The following ZNF44 variants were observed in gnomAD, a reference collection of about 807,000 sequenced individuals.
The protein encoded by ZNF44 is zinc finger protein 44.
ZNF44 carries 9 observed loss-of-function variants against 11.7 expected under a neutral mutation model. That is an observed-to-expected ratio of 0.77 (90% CI 0.46 to 1.35). The LOEUF is 1.35. ZNF44 is among the 40% of genes most tolerant of loss of function. The pLI is 0.00. For synonymous variants in ZNF44, 224 were observed against 242.7 expected (o/e 0.92, Z 0.72); for missense variants, 696 against 743.1 (o/e 0.94, Z 0.74).
chr19:12,252,279 G>T (rs1917040492), intron 5 of ZNF44, among the ~76,000 whole-genome samples: 1 of 152,138 alleles, frequency 6.6e-6, no homozygotes, highest in African/African-American at 2.4e-5. Context: ...AACCATACGA[G>T]AAAGTAGAGT....
Position 12,272,919 on chromosome 19 carries a change from C to T in ZNF44, c.1336G>A (p.Glu446Lys). Residue 446 changes from glutamate (E) to lysine (K), a missense_variant, in exon 4 of 4, where the codon GAG becomes AAG. Coordinates refer to ENST00000355684, the MANE Select transcript of ZNF44 (RefSeq NM_016264.4). ...CCACATTTACATTTATAGGGTTGCT[C>T]TCCAGTGTGTGTTGTTTCATGTTTT... The part of the protein sequence containing the change: ...LRKHETTHTG[E>K]QPYKCKCGKA... The T allele has an allele frequency of 6.2e-7, 1 of 1,614,098 alleles. No individual in the cohort carries two copies. The highest frequency in any genetic ancestry group is 1.1e-5 in the South Asian group (1 of 91,082).
chr19:12,278,760 A>T (rs976689481), intron 1 of ZNF44, among the ~76,000 whole-genome samples: 4 of 152,104 alleles, frequency 2.6e-5, no homozygotes, highest in Admixed American at 2.0e-4. Context: ...TAGACCATCT[A>T]AGTCCCAGGA....
intron 1 of ZNF44, among the ~76,000 whole-genome samples, chr19:12,283,310 C>T (rs909639985): frequency 1.4e-4 from 22 of 152,064 alleles, no homozygotes; most frequent in Non-Finnish European, 3.1e-4. Flanking sequence ...AAAAGCAGCA[C>T]ACTTTTAGAA....
chr19:12,284,691 A>G (rs1967650443), intron 1 of ZNF44: 2 of 738,858 alleles, frequency 2.7e-6, no homozygotes, highest in Admixed American at 2.0e-5. Flanking sequence ...GTTTGTTGCC[A>G]TCGGGGACTA....
chr19:12,253,879 T>C (rs1917128178), intron 5 of ZNF44, among the ~76,000 whole-genome samples: 1 of 152,092 alleles, frequency 6.6e-6, no homozygotes, highest in African/African-American at 2.4e-5. Context: ...CTCGGGAGGC[T>C]GATGCAGGAG....
chr19:12,246,308 G>A (rs1916766168), downstream of ZNF44, among the ~76,000 whole-genome samples: 1 of 152,034 alleles, frequency 6.6e-6, no homozygotes, highest in Non-Finnish European at 1.5e-5. Context: ...CCATATCTTG[G>A]CCAGAAAGAA....
Position 12,288,578 on chromosome 19 carries a change from C to T in ZNF44, c.3+6114G>A, listed in dbSNP as rs55823748. Among the ~76,000 whole-genome samples, 962 of 151,150 alleles carry T rather than the reference C, an allele frequency of 6.4e-3. 3 individuals carry two copies. The highest frequency in any genetic ancestry group is 0.014 in the Middle Eastern group (4 of 294). ...CCAACATGATGAAACCCCATCTCTA[C>T]TAAAAATAGAAAAATTAGCCAGGCA... On this transcript the variant is annotated intron_variant, in intron 1 of 3. Coordinates refer to ENST00000355684, the MANE Select transcript of ZNF44 (RefSeq NM_016264.4).
At chr19:12,284,299 T>C in intron 1 of ZNF44, 2 of 452,008 alleles carry the variant, frequency 4.4e-6, no homozygotes, top group Non-Finnish European at 8.2e-6. Context: ...AAAAGATAAA[T>C]ATTAAAAGGT....
In ZNF44 at chr19:12,272,660, T is replaced by C. The variant is rs1410679508; in HGVS notation, c.1595A>G (p.Tyr532Cys). Residue 532 changes from tyrosine to cysteine, a missense_variant, in exon 4 of 4, where the codon TAT becomes TGT. By Grantham distance (194) the Tyr-to-Cys change is radical. Transcript: ENST00000355684. The stretch of plus-strand genomic sequence containing the variant: ...TGCTTTCCTGCATTGCTTACATTCA[T>C]ATGGCTTCTCTGCCGTGTGAGTCCT... ...HERTHTAEKP[Y>C]ECKQCRKAFF... The C allele has an allele frequency of 6.2e-7, 1 of 1,613,912 alleles. No homozygotes were observed. The highest frequency in any genetic ancestry group is 1.7e-4 in the Middle Eastern group (1 of 6,058).
chr19:12,266,448 C>G (rs1917732502), intron 5 of ZNF44: 1 of 518,520 alleles, frequency 1.9e-6, no homozygotes, highest in Non-Finnish European at 2.5e-6. Context: ...CGGGCTTTAG[C>G]GCGTCGCCCC....
intron 1 of ZNF44, among the ~76,000 whole-genome samples, chr19:12,281,716 T>C (rs921526956): frequency 3.9e-5 from 6 of 152,136 alleles, no homozygotes; most frequent in African/African-American, 1.4e-4. Context: ...ACTACTCCCA[T>C]GGACAGTAAA....
intron 1 of ZNF44, among the ~76,000 whole-genome samples, chr19:12,292,238 C>G (rs1031436008): frequency 5.3e-5 from 8 of 151,152 alleles, no homozygotes; most frequent in African/African-American, 1.9e-4. Context: ...GCAGTCTAGG[C>G]TGCCTAAGCT....
chr19:12,284,356 C>T, intron 1 of ZNF44: 2 of 555,018 alleles, frequency 3.6e-6, no homozygotes, highest in Non-Finnish European at 6.6e-6. Context: ...GACGCAGGTG[C>T]AGCGCGGGGG....
chr19:12,252,620 G>A lies in ZNF44; in HGVS notation c.1913-2252C>T, dbSNP rs1010394148. Among the ~76,000 whole-genome samples the A allele has an allele frequency of 2.0e-5, 3 of 152,184 alleles. No homozygotes were observed. The East Asian group carries it at 5.8e-4, about 29-fold the overall frequency. Reference sequence around the variant, plus strand: ...AGCATTGTTATGAGGGAGGAATTGGGAATACTCTATTATGAGTTACTTGGG... The same window carrying A: ...AGCATTGTTATGAGGGAGGAATTGGAAATACTCTATTATGAGTTACTTGGG... On this transcript the variant is annotated intron_variant and NMD_transcript_variant, in intron 5 of 7. Transcript: ENST00000393337.
At chr19:12,283,775 G>A (rs1467371566) in intron 1 of ZNF44, among the ~76,000 whole-genome samples, 1 of 152,200 alleles carries the variant, frequency 6.6e-6, no homozygotes, top group Non-Finnish European at 1.5e-5. Flanking sequence ...AGTACTGTGG[G>A]AGGCCAAGGC....
chr19:12,236,021 CAG>C (rs1362880110), intron 1 of ZNF44, among the ~76,000 whole-genome samples: 1 of 152,076 alleles, frequency 6.6e-6, no homozygotes, highest in African/African-American at 2.4e-5. Context: ...TGTTCACAAA[CAG>C]AAAAATATTT....
downstream of ZNF44, among the ~76,000 whole-genome samples, chr19:12,268,378 G>A (rs1671960702): frequency 6.6e-6 from 1 of 152,094 alleles, no homozygotes; most frequent in Non-Finnish European, 1.5e-5. Flanking sequence ...TGGGGCATTT[G>A]TAGAAAATCA....
intron 5 of ZNF44, among the ~76,000 whole-genome samples, chr19:12,254,519 G>A (rs1852664911): frequency 6.6e-6 from 1 of 152,224 alleles, no homozygotes; most frequent in East Asian, 1.9e-4. Flanking sequence ...GACTGCCTGA[G>A]GTCAGGAGTT....
At chr19:12,226,636 G>T (rs1350332445) in intron 3 of ZNF44, 3 of 152,224 alleles carry the variant, frequency 2.0e-5, no homozygotes, top group Admixed American at 6.5e-5. Context: ...ATCAGGTAGA[G>T]AGAAACAAGA....
Sources: gnomAD v4.1 joint callset for allele counts (sites outside exome capture counted in the v4.1 genomes callset) on GRCh38, gnomAD v4.1.1 for gene constraint, MANE v1.5 for transcripts, NCBI Gene and HGNC (gene_info 2026-07-23, HGNC 2026-07-21) for gene names.